The following RXRB variants were observed in gnomAD, a reference collection of about 807,000 sequenced individuals.
RXRB encodes retinoic acid receptor RXR-beta.
Under a neutral mutation model 52.5 loss-of-function variants are expected in RXRB, and 18 were observed. The observed-to-expected ratio is 0.34, with a 90% CI of 0.24 to 0.51. The LOEUF is 0.51. Among genes scored for constraint, RXRB ranks in the 20% least tolerant of loss-of-function variants. The pLI is 0.97. For missense variants in RXRB, 455 were observed against 698.2 expected (o/e 0.65, Z 3.92); for synonymous variants, 233 against 267.1 (o/e 0.87, Z 1.25).
Position 33,195,693 on chromosome 6 carries a change from T to C in RXRB, c.1133A>G (p.Glu378Gly). The change falls in exon 7 of 10, where the codon GAA becomes GGA. Residue 378 changes from glutamate to glycine, a missense_variant. Transcript: ENST00000374680. The surrounding 1 kb of genome is among the most constrained non-coding windows in gnomAD (Gnocchi z 8.6). Reference sequence around the variant, plus strand: ...GTGTGAGAAGGAGGCAATGAGGAGTTCATTCCAGCCTGGGTGGGGCAGCAA... The same window carrying C: ...GTGTGAGAAGGAGGCAATGAGGAGTCCATTCCAGCCTGGGTGGGGCAGCAA... ...QVILLRAGWNELLIASFSHRS... is the reference protein window; with the variant it reads ...QVILLRAGWNGLLIASFSHRS... 1 of 1,612,394 alleles carries C rather than the reference T, an allele frequency of 6.2e-7. No individual in the cohort carries two copies. Among genetic ancestry groups the C allele is most frequent in the Non-Finnish European group, 8.5e-7 (1 of 1,179,924 alleles).
Position 33,200,462 on chromosome 6 carries a change from A to T in RXRB, c.15T>A (p.Ala5=). Residue 5 remains alanine (A), a synonymous_variant, in exon 1 of 10, where the codon GCT becomes GCA. Transcript: ENST00000374680. The surrounding 1 kb of genome is among the most constrained non-coding windows in gnomAD (Gnocchi z 6.3). The part of the protein sequence containing the change: MSWA[A]RPPFLPQRHA... ...GCCGCTGAGGGAGGAAGGGCGGGCG[A>T]GCGGCCCAAGACATGATCCCTGGCT... The T allele has an allele frequency of 6.3e-7, 1 of 1,592,724 alleles. No homozygotes were observed. The highest frequency in any genetic ancestry group is 1.1e-5 in the South Asian group (1 of 87,938).
Position 33,199,274 on chromosome 6 carries a change from TG to T in RXRB, c.377del (p.Pro126HisfsTer54). 7.3e-6 allele frequency: 1 copy of T among 136,692 alleles called. No individual in the cohort carries two copies. 8.5% of individuals were successfully genotyped at this position (136,692 alleles called of 1,614,324 possible). ...SGAPPPPPMP[P>X]PPLGSPFPVI... Reference sequence around the variant, plus strand: ...CTGGAAAGGGAGAGCCCAGTGGGGGTGGTGGCATCGGGGGTGGGGGTGGGGC... The same window carrying T: ...CTGGAAAGGGAGAGCCCAGTGGGGGTGTGGCATCGGGGGTGGGGGTGGGGC... On this transcript the variant is annotated frameshift_variant, in exon 2 of 10. Coordinates refer to ENST00000374680, the MANE Select transcript of RXRB (RefSeq NM_021976.5). LOFTEE classifies it high-confidence loss of function.
chr6:33,194,305 T>A lies in RXRB; in HGVS notation c.*377A>T, dbSNP rs2072915. Reference sequence around the variant, plus strand: ...CCCCCAGTATCCACCTCTGGGGGAGTTCCCCATTTCCACTCTTCAGATGGG... The same window carrying A: ...CCCCCAGTATCCACCTCTGGGGGAGATCCCCATTTCCACTCTTCAGATGGG... On this transcript the variant is annotated 3_prime_UTR_variant, in exon 10 of 10. Transcript: ENST00000374680. The surrounding 1 kb of genome is among the most constrained non-coding windows in gnomAD (Gnocchi z 4.1). The A allele has an allele frequency of 0.31, 56,043 of 178,948 alleles. 9,084 individuals are homozygous for A. Among genetic ancestry groups the A allele is most frequent in the South Asian group, 0.38 (2,296 of 6,012 alleles). 11.1% of individuals were successfully genotyped at this position (178,948 alleles called of 1,614,324 possible).
Position 33,197,143 on chromosome 6 carries a change from G to C in RXRB, c.821-537C>G, listed in dbSNP as rs1233797749. Among the ~76,000 whole-genome samples, 1 of 152,190 alleles carries C rather than the reference G, an allele frequency of 6.6e-6. No homozygotes were observed. The highest frequency in any genetic ancestry group is 2.4e-5 in the African/African-American group (1 of 41,440). ...TGACTCAACAAATAGGCAGTGAAAG[G>C]AGCACTGGCCTAGGTCTTTGAAGAT... is the stretch of plus-strand genomic sequence containing the variant. On this transcript the variant is annotated intron_variant, in intron 4 of 9. Transcript: ENST00000374680. This position sits in a 1 kb window ranked among gnomAD's most constrained non-coding sequence, Gnocchi z 4.4.
At chr6:33,199,568 A>C (rs1774266803) in intron 1 of RXRB, 152 bp from the exon 2 acceptor site, 1 of 531,512 alleles carries the variant, frequency 1.9e-6, no homozygotes, top group East Asian at 3.0e-5. Context: ...CCAAGTTCAG[A>C]GACACCCTGC....
In RXRB at chr6:33,200,246, C is replaced by A. The variant is rs1404475411; in HGVS notation, c.231G>T (p.Gly77=). 6.2e-7 allele frequency: 1 copy of A among 1,606,252 alleles called. No homozygotes were observed. Among genetic ancestry groups the A allele is most frequent in the South Asian group, 1.1e-5 (1 of 90,770 alleles). Residue 77 remains glycine, a synonymous_variant, in exon 1 of 10, where the codon GGG becomes GGT. Transcript: ENST00000374680. This position sits in a 1 kb window ranked among gnomAD's most constrained non-coding sequence, Gnocchi z 6.3. The part of the protein sequence containing the change: ...EAGRDGMGDS[G]RDSRSPDSSS... Reference sequence around the variant, plus strand: ...CCCTTCTGCTGGGGCACTCACCCCGCCCGCTGTCGCCCATCCCGTCCCGTC... The same window carrying A: ...CCCTTCTGCTGGGGCACTCACCCCGACCGCTGTCGCCCATCCCGTCCCGTC...
At chr6:33,199,722 A>T (rs1774284610) in intron 1 of RXRB, 1 of 430,970 alleles carries the variant, frequency 2.3e-6, no homozygotes. Flanking sequence ...GTAACTCCTC[A>T]TTGTGGTGAG....
Position 33,194,509 on chromosome 6 carries a change from C to A in RXRB, c.*173G>T. The A allele has an allele frequency of 1.6e-6, 1 of 637,866 alleles. No homozygotes were observed. Among genetic ancestry groups the A allele is most frequent in the Non-Finnish European group, 2.6e-6 (1 of 389,384 alleles). 39.5% of individuals were successfully genotyped at this position (637,866 alleles called of 1,614,324 possible). On this transcript the variant is annotated 3_prime_UTR_variant, in exon 10 of 10. Transcript: ENST00000374680. This position sits in a 1 kb window ranked among gnomAD's most constrained non-coding sequence, Gnocchi z 4.1. ...TCCTCACAGGTATCTGGGGTCCCTT[C>A]CAACTTGGGATATCAAGCAGATCCC... is the stretch of plus-strand genomic sequence containing the variant.
At position 33,196,902 on chromosome 6, in the gene RXRB, GA is replaced by G. The variant is rs368828898; in HGVS notation, c.821-297del. 0.024 allele frequency among the ~76,000 whole-genome samples: 3,695 copies of G among 151,068 alleles called. 118 individuals are homozygous for G. The highest frequency in any genetic ancestry group is 0.068 in the African/African-American group (2,801 of 41,226). On this transcript the variant is annotated intron_variant, in intron 4 of 9. Transcript: ENST00000374680. This position sits in a 1 kb window ranked among gnomAD's most constrained non-coding sequence, Gnocchi z 4.0. ...AAGATTCAACCTGAGAAAGCTGATT[GA>G]AAAAAAAAATTTTTTTAAATAAAAT...
Position 33,198,388 on chromosome 6 carries a change from C to T in RXRB, c.560G>A (p.Arg187Gln), listed in dbSNP as rs759942179. The change falls in exon 3 of 10, where the codon CGG (arginine) becomes CAG (glutamine). Residue 187 changes from arginine (R) to glutamine (Q), a missense_variant. By Grantham distance (43) the Arg-to-Gln change is conservative. Coordinates refer to ENST00000374680, the MANE Select transcript of RXRB (RefSeq NM_021976.5). ...EDVKPPVLGV[R>Q]GLHCPPPPGG... ...TGGAGGGGGTGGACAGTGCAGGCCCCGGACCCCTAAGACTGGTGGCTTCAC... is the reference window on the plus strand; with the variant it reads ...TGGAGGGGGTGGACAGTGCAGGCCCTGGACCCCTAAGACTGGTGGCTTCAC... 7.4e-6 allele frequency: 12 copies of T among 1,612,444 alleles called. No individual in the cohort carries two copies. The highest frequency in any genetic ancestry group is 5.3e-5 in the African/African-American group (4 of 74,928).
rs368398080 is a variant in RXRB, at chr6:33,197,769, C to T, written c.813G>A (p.Lys271=). The change falls in exon 4 of 10, where the codon AAG becomes AAA. Residue 271 remains lysine (K), a synonymous_variant. Transcript: ENST00000374680. The surrounding 1 kb of genome is among the most constrained non-coding windows in gnomAD (Gnocchi z 4.4). ...GGCAGGGCGGGTCCTTACCCTCCCTCTTCATGCCAGTGGCCAGGCACTTCT... is the reference window on the plus strand; with the variant it reads ...GGCAGGGCGGGTCCTTACCCTCCCTTTTCATGCCAGTGGCCAGGCACTTCT... ...RYQKCLATGM[K]REAVQEERQR... 13 of 1,613,804 alleles carry T rather than the reference C, an allele frequency of 8.1e-6. No homozygotes were observed. In the African/African-American group the frequency reaches 1.6e-4, roughly 20 times the overall value.
rs999488361 is a variant in RXRB, at chr6:33,196,830, G to A, written c.821-224C>T. Among the ~76,000 whole-genome samples the A allele has an allele frequency of 6.6e-6, 1 of 152,014 alleles. No homozygotes were observed. The highest frequency in any genetic ancestry group is 2.4e-5 in the African/African-American group (1 of 41,360). On this transcript the variant is annotated intron_variant, in intron 4 of 9. Coordinates refer to ENST00000374680, the MANE Select transcript of RXRB (RefSeq NM_021976.5). This position sits in a 1 kb window ranked among gnomAD's most constrained non-coding sequence, Gnocchi z 4.0. The stretch of plus-strand genomic sequence containing the variant: ...GGGTGAGGTAGGTAAAAGAATTAGG[G>A]AGGAATTTAAATGGAGAGCCTACTA...
In RXRB at chr6:33,196,085, G is replaced by A. The variant is rs1773872356; in HGVS notation, c.994-49C>T. On this transcript the variant is annotated intron_variant, in intron 5 of 9. Coordinates refer to ENST00000374680, the MANE Select transcript of RXRB (RefSeq NM_021976.5). This position sits in a 1 kb window ranked among gnomAD's most constrained non-coding sequence, Gnocchi z 4.0. ...TATGGAAGATTTTGAGATATGCTGG[G>A]AGCCCCCTTGTAAGAGGCTTTTGAC... is the stretch of plus-strand genomic sequence containing the variant. The A allele has an allele frequency of 3.7e-6, 6 of 1,609,914 alleles. No homozygotes were observed. Among genetic ancestry groups the A allele is most frequent in the Non-Finnish European group, 4.2e-6 (5 of 1,177,674 alleles).
In RXRB at chr6:33,196,617, A is replaced by G. The variant is rs750716021; in HGVS notation, c.821-11T>C. 20 of 1,566,914 alleles carry G rather than the reference A, an allele frequency of 1.3e-5. 1 individual carries two copies. In the Admixed American group the frequency reaches 3.4e-4, roughly 27 times the overall value. ...GCTCCTCCTGTACCGCTGCAGGGGG[A>G]AGGGGGAGAGAAAAAATGGAAAGTC... On this transcript the variant is annotated splice_polypyrimidine_tract_variant and intron_variant, in intron 4 of 9. Transcript: ENST00000374680. This position sits in a 1 kb window ranked among gnomAD's most constrained non-coding sequence, Gnocchi z 4.0.
chr6:33,196,564 T>G lies in RXRB; in HGVS notation c.863A>C (p.Asp288Ala). The stretch of plus-strand genomic sequence containing the variant: ...GGGGGCTCCCCCAGCCCCCTCCCCA[T>G]CCCCATCCTTGTCCTTTCCCCGCTG... ...ERQRGKDKDGDGEGAGGAPEE... is the reference protein window; with the variant it reads ...ERQRGKDKDGAGEGAGGAPEE... The change falls in exon 5 of 10, where the codon GAT becomes GCT. Residue 288 changes from aspartate (D) to alanine (A), a missense_variant. Asp to Ala is a moderately radical substitution (Grantham distance 126, BLOSUM62 -2). Around this residue, in one of 4 missense-constraint regions of RXRB, gnomAD observed 100 missense variants for 141.9 expected, o/e 0.70. Transcript: ENST00000374680. This position sits in a 1 kb window ranked among gnomAD's most constrained non-coding sequence, Gnocchi z 4.0. 1 of 1,526,470 alleles carries G rather than the reference T, an allele frequency of 6.6e-7. No individual in the cohort carries two copies. The highest frequency in any genetic ancestry group is 9.0e-7 in the Non-Finnish European group (1 of 1,108,178). 94.6% of individuals were successfully genotyped at this position (1,526,470 alleles called of 1,614,324 possible). A position where few individuals can be genotyped will look rare whatever the true frequency, so the allele number is the denominator to read the frequency against.
chr6:33,199,271 G>T lies in RXRB; in HGVS notation c.381C>A (p.Pro127=). The T allele has an allele frequency of 9.4e-7, 1 of 1,063,356 alleles. No homozygotes were observed. The highest frequency in any genetic ancestry group is 1.2e-6 in the Non-Finnish European group (1 of 819,988). The allele number at this position is 1,063,356 out of a possible 1,614,324, so 65.9% of individuals were successfully genotyped here. The change falls in exon 2 of 10, where the codon CCC becomes CCA. Residue 127 remains proline (P), a synonymous_variant. Transcript: ENST00000374680. Reference sequence around the variant, plus strand: ...TGACTGGAAAGGGAGAGCCCAGTGGGGGTGGTGGCATCGGGGGTGGGGGTG... The same window carrying T: ...TGACTGGAAAGGGAGAGCCCAGTGGTGGTGGTGGCATCGGGGGTGGGGGTG... The part of the protein sequence containing the change: ...GAPPPPPMPP[P]PLGSPFPVIS...
Position 33,194,877 on chromosome 6 carries a change from C to T in RXRB, c.1455-48G>A. 6.2e-7 allele frequency: 1 copy of T among 1,611,922 alleles called. No individual in the cohort carries two copies. The highest frequency in any genetic ancestry group is 8.5e-7 in the Non-Finnish European group (1 of 1,179,368). Reference sequence around the variant, plus strand: ...GGATTGAGAGCTGGAAGCACACGGGCCCTGAACACATCCTCATAGCACTCC... The same window carrying T: ...GGATTGAGAGCTGGAAGCACACGGGTCCTGAACACATCCTCATAGCACTCC... On this transcript the variant is annotated intron_variant, in intron 9 of 9. Transcript: ENST00000374680. The surrounding 1 kb of genome is among the most constrained non-coding windows in gnomAD (Gnocchi z 4.1).
Position 33,194,859 on chromosome 6 carries a change from G to A in RXRB, c.1455-30C>T. 4 of 1,612,500 alleles carry A rather than the reference G, an allele frequency of 2.5e-6. No individual in the cohort carries two copies. The highest frequency in any genetic ancestry group is 3.4e-6 in the Non-Finnish European group (4 of 1,179,754). ...GGTGGAGGTGGGAGAAGGGGATTGA[G>A]AGCTGGAAGCACACGGGCCCTGAAC... On this transcript the variant is annotated intron_variant, in intron 9 of 9. Transcript: ENST00000374680. This position sits in a 1 kb window ranked among gnomAD's most constrained non-coding sequence, Gnocchi z 4.1.
chr6:33,195,356 CTCT>C lies in RXRB; in HGVS notation c.1348+4_1348+6del. 6.4e-7 allele frequency: 1 copy of C among 1,574,464 alleles called. No individual in the cohort carries two copies. The highest frequency in any genetic ancestry group is 8.7e-7 in the Non-Finnish European group (1 of 1,144,906). ...GCCTTGAGAGACAAAGGTAATCCTC[CTCT>C]TACCTGGATTAAACAGAATGATTGC... On this transcript the variant is annotated splice_donor_5th_base_variant and intron_variant, in intron 8 of 9. Coordinates refer to ENST00000374680, the MANE Select transcript of RXRB (RefSeq NM_021976.5). The surrounding 1 kb of genome is among the most constrained non-coding windows in gnomAD (Gnocchi z 8.6).
Sources: gnomAD v4.1 joint callset for allele counts (sites outside exome capture counted in the v4.1 genomes callset) on GRCh38, gnomAD v4.1.1 for gene constraint, gnomAD v4.1.1 regional missense constraint, Gnocchi (gnomAD v3.1) non-coding constraint, MANE v1.5 for transcripts, NCBI Gene and HGNC (gene_info 2026-07-23, HGNC 2026-07-21) for gene names.